SMARCA2: variants seen among roughly 807,000 people sequenced by gnomAD.
SMARCA2 encodes SWI/SNF-related matrix-associated actin-dependent regulator of chromatin subfamily A member 2.
Under a neutral mutation model 199.8 loss-of-function variants are expected in SMARCA2, and 61 were observed. The ratio of observed to expected loss-of-function variants is 0.31; its 90% CI spans 0.25 to 0.38. SMARCA2 has a LOEUF of 0.38. Among genes scored for constraint, SMARCA2 ranks in the 10% least tolerant of loss-of-function variants. The pLI is 1.00. For missense variants in SMARCA2, 1,344 were observed against 2,012.2 expected (o/e 0.67, Z 6.35); for synonymous variants, 935 against 732.0 (o/e 1.28, Z -4.48).
intron 7 of SMARCA2, among the ~76,000 whole-genome samples, chr9:2,057,730 C>T (rs1820419502): frequency 6.6e-6 from 1 of 151,954 alleles, no homozygotes; most frequent in Non-Finnish European, 1.5e-5. Flanking sequence ...TATTTGTTTT[C>T]CTGTGCTTAA....
At chr9:2,111,278 A>T (rs1177743211) in intron 24 of SMARCA2, among the ~76,000 whole-genome samples, 1 of 152,076 alleles carries the variant, frequency 6.6e-6, no homozygotes, top group East Asian at 1.9e-4. Flanking sequence ...CTTTGAGCCC[A>T]GGAATTTGAG....
intron 28 of SMARCA2, among the ~76,000 whole-genome samples, chr9:2,168,067 G>C (rs922653166): frequency 3.1e-5 from 4 of 129,760 alleles, no homozygotes; most frequent in Non-Finnish European, 4.8e-5. Context: ...TTTCGCTCTT[G>C]TTGCCCAGCT....
At chr9:2,173,872 G>C (rs939079481) in intron 29 of SMARCA2, among the ~76,000 whole-genome samples, 4 of 152,200 alleles carry the variant, frequency 2.6e-5, no homozygotes, top group Non-Finnish European at 5.9e-5. Flanking sequence ...AGCACACTTT[G>C]GGAAATGCTG....
chr9:2,023,748 A>G (rs574020106), intron 1 of SMARCA2, among the ~76,000 whole-genome samples: 3 of 152,306 alleles, frequency 2.0e-5, no homozygotes, highest in East Asian at 1.9e-4. Flanking sequence ...ATTAAGAATA[A>G]CAGTGCTTGA....
At chr9:2,166,516 T>A (rs1825936611) in intron 28 of SMARCA2, among the ~76,000 whole-genome samples, 1 of 152,336 alleles carries the variant, frequency 6.6e-6, no homozygotes. Context: ...AACCTATGCC[T>A]ACTGATTGTA....
chr9:2,098,798 T>C (rs1157623883), intron 21 of SMARCA2, among the ~76,000 whole-genome samples: 1 of 151,908 alleles, frequency 6.6e-6, no homozygotes, highest in East Asian at 1.9e-4. Context: ...ACTACAAAAA[T>C]TAGCTGGGTG....
At chr9:2,105,590 G>A (rs1586710589) in intron 23 of SMARCA2, among the ~76,000 whole-genome samples, 1 of 152,132 alleles carries the variant, frequency 6.6e-6, no homozygotes. Context: ...CGTAATGAAT[G>A]AATGGTTACG....
At chr9:2,178,931 G>T (rs922208846) in intron 29 of SMARCA2, among the ~76,000 whole-genome samples, 1 of 152,182 alleles carries the variant, frequency 6.6e-6, no homozygotes, top group African/African-American at 2.4e-5. Context: ...CCTGTAGGGA[G>T]GAGAGAAACA....
At chr9:2,188,593 TC>T (rs776859080) in intron 32 of SMARCA2, among the ~76,000 whole-genome samples, 10 of 152,180 alleles carry the variant, frequency 6.6e-5, no homozygotes, top group Non-Finnish European at 1.5e-4. Flanking sequence ...GCTGCTCTCT[TC>T]CCCCATCCAT....
intron 27 of SMARCA2, among the ~76,000 whole-genome samples, chr9:2,155,060 A>T (rs1414748204): frequency 1.3e-5 from 2 of 152,160 alleles, no homozygotes; most frequent in East Asian, 1.9e-4. Flanking sequence ...TACCCCAGGG[A>T]GCTGAGCATA....
intron 22 of SMARCA2, 71 bp downstream of exon 22, chr9:2,101,687 G>T: frequency 1.3e-6 from 1 of 770,064 alleles, no homozygotes; most frequent in Non-Finnish European, 2.2e-6. Context: ...CCTCTCTACA[G>T]TGTTTCCTCT....
At chr9:2,050,701 C>T (rs1057451330) in intron 5 of SMARCA2, among the ~76,000 whole-genome samples, 1 of 151,670 alleles carries the variant, frequency 6.6e-6, no homozygotes. Flanking sequence ...CCAGTAGCTG[C>T]TTTACCAGCA....
chr9:2,149,039 T>TGCC (rs1824907979), intron 27 of SMARCA2, among the ~76,000 whole-genome samples: 1 of 151,050 alleles, frequency 6.6e-6, no homozygotes, highest in African/African-American at 2.4e-5. Context: ...GTGTGTTTAT[T>TGCC]AGTAAAACCT....
chr9:2,122,908 G>T (rs1309329931), intron 26 of SMARCA2, among the ~76,000 whole-genome samples: 5 of 152,184 alleles, frequency 3.3e-5, no homozygotes, highest in African/African-American at 4.8e-5. Context: ...AAAGCCAAGT[G>T]TGTGGCCCTT....
chr9:2,161,117 G>A lies in SMARCA2; in HGVS notation c.3982-569G>A, dbSNP rs1825649131. The A allele has an allele frequency of 1.3e-5, 2 of 155,676 alleles. No individual in the cohort carries two copies. Among genetic ancestry groups the A allele is most frequent in the African/African-American group, 4.8e-5 (2 of 41,458 alleles). The allele number at this position is 155,676 out of a possible 1,614,324, so 9.6% of individuals were successfully genotyped here. A position where few individuals can be genotyped will look rare whatever the true frequency, so the allele number is the denominator to read the frequency against. On this transcript the variant is annotated intron_variant, in intron 27 of 33. Coordinates refer to ENST00000349721, the MANE Select transcript of SMARCA2 (RefSeq NM_003070.5). This position sits in a 1 kb window ranked among gnomAD's most constrained non-coding sequence, Gnocchi z 4.7. ...TTAAGTGCGTTTACCAAGGAATGTG[G>A]CTTTGTACTTTCCCGTTTCCTTGTT...
Position 2,149,677 on chromosome 9 carries a change from C to T in SMARCA2, c.3982-12009C>T, listed in dbSNP as rs142418064. Among the ~76,000 whole-genome samples the T allele has an allele frequency of 5.1e-3, 778 of 151,674 alleles. 25 individuals are homozygous for T. Among genetic ancestry groups the T allele is most frequent in the African/African-American group, 0.018 (737 of 41,444 alleles). ...ATGTGGGAATTATGGGAGTACAATT[C>T]AAGATGAGATTTGGGTGGGGACACA... On this transcript the variant is annotated intron_variant, in intron 27 of 33. Coordinates refer to ENST00000349721, the MANE Select transcript of SMARCA2 (RefSeq NM_003070.5).
chr9:2,126,271 A>C (rs1823690785), intron 27 of SMARCA2, among the ~76,000 whole-genome samples: 1 of 152,252 alleles, frequency 6.6e-6, no homozygotes, highest in South Asian at 2.1e-4. Context: ...TCATCCAAGA[A>C]GGACGAAACT....
chr9:2,026,152 T>G (rs1818819525), intron 1 of SMARCA2, among the ~76,000 whole-genome samples: 1 of 152,152 alleles, frequency 6.6e-6, no homozygotes, highest in South Asian at 2.1e-4. Flanking sequence ...CAGCTCCCAG[T>G]GAGACATCAG....
chr9:2,104,398 G>C lies in SMARCA2; in HGVS notation c.3292+229G>C, dbSNP rs1226553434. ...AAATAAACCAACACAAATGAGTTTA[G>C]AGTCACTTTTGAGTACCTAAATAAA... On this transcript the variant is annotated intron_variant, in intron 23 of 33. Transcript: ENST00000349721. The surrounding 1 kb of genome is among the most constrained non-coding windows in gnomAD (Gnocchi z 4.0). Among the ~76,000 whole-genome samples, 2 of 152,138 alleles carry C rather than the reference G, an allele frequency of 1.3e-5. No individual in the cohort carries two copies. Among genetic ancestry groups the C allele is most frequent in the African/African-American group, 4.8e-5 (2 of 41,420 alleles).
Sources: allele counts gnomAD v4.1 joint callset (sites outside exome capture counted in the v4.1 genomes callset), GRCh38; gene constraint gnomAD v4.1.1; non-coding constraint Gnocchi (gnomAD v3.1); transcripts MANE v1.5; gene names NCBI Gene and HGNC (gene_info 2026-07-23, HGNC 2026-07-21).